Variants in EYS observed in about 807,000 individuals in gnomAD.
EYS encodes the protein EGF-like photoreceptor maintenance factor.
Under a neutral mutation model 282.1 loss-of-function variants are expected in EYS, and 250 were observed. That is an observed-to-expected ratio of 0.89 (90% CI 0.80 to 0.98). EYS has a LOEUF of 0.98. Ranked by LOEUF, EYS falls within the 50% of genes least tolerant of loss-of-function variation. The pLI is 0.00. For missense variants in EYS, 4,016 were observed against 3,709.0 expected (o/e 1.08, Z -2.15); for synonymous variants, 1,355 against 1,282.9 (o/e 1.06, Z -1.20).
intron 12 of EYS, among the ~76,000 whole-genome samples, chr6:65,082,540 C>T (rs902648142): frequency 6.6e-6 from 1 of 152,030 alleles, no homozygotes; most frequent in African/African-American, 2.4e-5. Flanking sequence ...ATAACATACT[C>T]TACTTCAAAT....
intron 35 of EYS, among the ~76,000 whole-genome samples, chr6:63,947,472 T>C (rs1013934324): frequency 6.6e-6 from 1 of 152,120 alleles, no homozygotes; most frequent in Non-Finnish European, 1.5e-5. Flanking sequence ...TACATTTTGC[T>C]GGATTTTGAT....
intron 28 of EYS, among the ~76,000 whole-genome samples, chr6:64,418,304 T>C (rs1000895032): frequency 3.3e-5 from 5 of 152,236 alleles, no homozygotes; most frequent in Non-Finnish European, 7.3e-5. Context: ...CATATTAAAG[T>C]ATGTATCTTA....
At chr6:65,486,952 C>G (rs1765803640) in intron 5 of EYS, among the ~76,000 whole-genome samples, 1 of 152,128 alleles carries the variant, frequency 6.6e-6, no homozygotes, top group Non-Finnish European at 1.5e-5. Flanking sequence ...AATGGGAGTT[C>G]ACTCATGATT....
At chr6:64,926,997 T>C (rs1289049108) in intron 15 of EYS, among the ~76,000 whole-genome samples, 1 of 152,220 alleles carries the variant, frequency 6.6e-6, no homozygotes, top group African/African-American at 2.4e-5. Flanking sequence ...AGAAGAATTT[T>C]ATAGCTGAAT....
intron 22 of EYS, among the ~76,000 whole-genome samples, chr6:64,730,612 G>A (rs1771929782): frequency 6.6e-6 from 1 of 152,104 alleles, no homozygotes; most frequent in Non-Finnish European, 1.5e-5. Flanking sequence ...CGAGTAGCTA[G>A]GACTACAGGC....
intron 11 of EYS, among the ~76,000 whole-genome samples, chr6:65,323,363 T>C (rs1769530188): frequency 6.7e-6 from 1 of 150,274 alleles, no homozygotes; most frequent in African/African-American, 2.4e-5. Flanking sequence ...AGTTTTCTTA[T>C]TTAAGAGGAT....
At chr6:65,555,255 A>G (rs1768752809) in intron 2 of EYS, among the ~76,000 whole-genome samples, 1 of 152,160 alleles carries the variant, frequency 6.6e-6, no homozygotes, top group African/African-American at 2.4e-5. Context: ...TTTGTGAAAT[A>G]AACTGAATTT....
intron 26 of EYS, among the ~76,000 whole-genome samples, chr6:64,470,003 G>A (rs1039644293): frequency 6.6e-6 from 1 of 152,290 alleles, no homozygotes; most frequent in East Asian, 1.9e-4. Context: ...GCCAGGCAGG[G>A]AAGGGCCCCC....
intron 28 of EYS, among the ~76,000 whole-genome samples, chr6:64,422,524 C>A (rs765659221): frequency 6.6e-6 from 1 of 152,114 alleles, no homozygotes; most frequent in Admixed American, 6.5e-5. Flanking sequence ...GGCTGGGATG[C>A]CTCAGGGAGG....
At position 65,696,916 on chromosome 6, in the gene EYS, G is replaced by A. The variant is rs115851261; in HGVS notation, c.-448+10219C>T. Among the ~76,000 whole-genome samples, 757 of 151,990 alleles carry A rather than the reference G, an allele frequency of 5.0e-3. 6 individuals carry two copies. Among genetic ancestry groups the A allele is most frequent in the African/African-American group, 0.017 (713 of 41,514 alleles). On this transcript the variant is annotated intron_variant, in intron 1 of 42. Transcript: ENST00000503581. ...TCTTCTGCTAAAGGTAAGAGCTATC[G>A]AATAGCATATGTCTTCACTTTTAAA... is the stretch of plus-strand genomic sequence containing the variant.
At chr6:65,406,931 T>G (rs948379777) in intron 5 of EYS, among the ~76,000 whole-genome samples, 1 of 152,142 alleles carries the variant, frequency 6.6e-6, no homozygotes, top group Non-Finnish European at 1.5e-5. Context: ...AAAATATTTT[T>G]GGCTATGCTA....
intron 2 of EYS, among the ~76,000 whole-genome samples, chr6:65,593,736 G>A (rs1442972685): frequency 6.6e-6 from 1 of 151,820 alleles, no homozygotes; most frequent in Non-Finnish European, 1.5e-5. Flanking sequence ...ACCTTACAAA[G>A]AGGTCATTAG....
Position 64,793,799 on chromosome 6 carries a change from TG to T in EYS, c.3443+19578del, listed in dbSNP as rs1025157850. 3.3e-5 allele frequency among the ~76,000 whole-genome samples: 5 copies of T among 150,636 alleles called. No homozygotes were observed. In the South Asian group the frequency reaches 8.4e-4, roughly 25 times the overall value. The stretch of plus-strand genomic sequence containing the variant: ...CTTTATGAACAATTATTTTTCCATC[TG>T]TTTTTTTTTGTTTGTTTTGTGGTAA... On this transcript the variant is annotated intron_variant, in intron 22 of 42. Transcript: ENST00000503581.
intron 1 of EYS, among the ~76,000 whole-genome samples, chr6:65,667,532 C>T (rs891507279): frequency 5.9e-5 from 9 of 151,782 alleles, no homozygotes; most frequent in African/African-American, 7.2e-5. Flanking sequence ...AACTCAGTGA[C>T]GCCTCTTTTC....
chr6:65,145,380 T>C (rs924469694), intron 12 of EYS, among the ~76,000 whole-genome samples: 2 of 152,044 alleles, frequency 1.3e-5, no homozygotes, highest in African/African-American at 4.8e-5. Context: ...GAGTTATACA[T>C]TAAAACTTTA....
At chr6:65,343,295 A>G (rs920690320) in intron 10 of EYS, among the ~76,000 whole-genome samples, 2 of 151,322 alleles carry the variant, frequency 1.3e-5, no homozygotes, top group Non-Finnish European at 3.0e-5. Context: ...AATGTATACA[A>G]TATGCAGAAT....
intron 30 of EYS, among the ~76,000 whole-genome samples, chr6:64,258,840 C>T (rs1767489736): frequency 6.6e-6 from 1 of 151,978 alleles, no homozygotes; most frequent in East Asian, 1.9e-4. Context: ...TAATTCAACA[C>T]CCAAAATGCT....
chr6:65,300,095 ACTTATTCTAAG>A (rs1238895482), intron 11 of EYS, among the ~76,000 whole-genome samples: 5 of 152,078 alleles, frequency 3.3e-5, no homozygotes, highest in Admixed American at 1.3e-4. Context: ...AGTTTTGTTT[ACTTATTCTAAG>A]CATCCAGTCA....
chr6:64,961,446 AT>A (rs1562277360), intron 14 of EYS, among the ~76,000 whole-genome samples: 1 of 120,156 alleles, frequency 8.3e-6, no homozygotes, highest in Non-Finnish European at 1.6e-5. Flanking sequence ...ATCCTTTCCA[AT>A]ATATCATATA....
Sources: gnomAD v4.1 joint callset for allele counts (sites outside exome capture counted in the v4.1 genomes callset) on GRCh38, gnomAD v4.1.1 for gene constraint, MANE v1.5 for transcripts, NCBI Gene and HGNC (gene_info 2026-07-23, HGNC 2026-07-21) for gene names.